Variants in GRIK4 observed in about 807,000 individuals in gnomAD.
GRIK4 encodes the protein glutamate ionotropic receptor kainate type subunit 4.
A neutral mutation model predicts 104.9 loss-of-function variants in GRIK4; 40 were observed. The ratio of observed to expected loss-of-function variants is 0.38; its 90% CI spans 0.30 to 0.50. GRIK4 has a LOEUF of 0.50. Among genes scored for constraint, GRIK4 ranks in the 20% least tolerant of loss-of-function variants. The pLI, the probability that GRIK4 is intolerant of heterozygous loss-of-function variation, is 0.93. For synonymous variants in GRIK4, 485 were observed against 524.9 expected (o/e 0.92, Z 1.04); for missense variants, 1,047 against 1,308.1 (o/e 0.80, Z 3.08).
chr11:120,925,994 AAAAAAG>A (rs1565443119), intron 13 of GRIK4, among the ~76,000 whole-genome samples: 1 of 152,014 alleles, frequency 6.6e-6, no homozygotes, highest in Non-Finnish European at 1.5e-5. Context: ...AAAGAAAGAA[AAAAAAG>A]AAAAAGAAAG....
intron 11 of GRIK4, among the ~76,000 whole-genome samples, chr11:120,893,038 T>C (rs1301920493): frequency 6.6e-6 from 1 of 152,218 alleles, no homozygotes; most frequent in Non-Finnish European, 1.5e-5. Flanking sequence ...GCCCTCCACA[T>C]TTCAGTAACC....
At chr11:120,846,326 G>T (rs559515393) in intron 8 of GRIK4, among the ~76,000 whole-genome samples, 1 of 152,318 alleles carries the variant, frequency 6.6e-6, no homozygotes, top group South Asian at 2.1e-4. Flanking sequence ...GCTGTGTGGT[G>T]GGAGAAACAA....
chr11:120,940,370 C>T lies in GRIK4; in HGVS notation c.1500C>T (p.Gly500=), dbSNP rs779776508. The change falls in exon 14 of 21, where the codon GGC becomes GGT. Residue 500 remains glycine, a synonymous_variant. Coordinates refer to ENST00000527524, the MANE Select transcript of GRIK4 (RefSeq NM_014619.5). This position sits in a 1 kb window ranked among gnomAD's most constrained non-coding sequence, Gnocchi z 4.3. ...IARKADLAVA[G]LTITAEREKV... ...AGAAAGCAGATCTGGCTGTGGCAGGCCTCACCATTACAGCTGAACGGGAGA... is the reference window on the plus strand; with the variant it reads ...AGAAAGCAGATCTGGCTGTGGCAGGTCTCACCATTACAGCTGAACGGGAGA... 1 of 1,612,292 alleles carries T rather than the reference C, an allele frequency of 6.2e-7. No homozygotes were observed. Among genetic ancestry groups the T allele is most frequent in the South Asian group, 1.1e-5 (1 of 91,002 alleles).
chr11:120,755,230 A>G (rs1260273064), intron 3 of GRIK4, among the ~76,000 whole-genome samples: 1 of 152,170 alleles, frequency 6.6e-6, no homozygotes, highest in African/African-American at 2.4e-5. Flanking sequence ...GGTGAGGAGA[A>G]CACAATTGCA....
At chr11:120,881,822 GC>G (rs1209972932) in intron 11 of GRIK4, among the ~76,000 whole-genome samples, 2 of 152,200 alleles carry the variant, frequency 1.3e-5, no homozygotes, top group Non-Finnish European at 2.9e-5. Context: ...AGTGGAACTT[GC>G]TTTGCTGCAC....
chr11:120,644,943 ATGAGAGCTT>A (rs1949521960), intron 1 of GRIK4, among the ~76,000 whole-genome samples: 1 of 152,220 alleles, frequency 6.6e-6, no homozygotes, highest in South Asian at 2.1e-4. Context: ...TGGTGGAGAT[ATGAGAGCTT>A]TGGGCCTTAC....
At chr11:120,835,733 A>C (rs775249433) in intron 7 of GRIK4, among the ~76,000 whole-genome samples, 4 of 152,172 alleles carry the variant, frequency 2.6e-5, no homozygotes, top group Non-Finnish European at 5.9e-5. Flanking sequence ...AGGAGGGATG[A>C]GGGTCCCCAG....
At chr11:120,805,347 A>G (rs979276494) in intron 4 of GRIK4, among the ~76,000 whole-genome samples, 1 of 152,212 alleles carries the variant, frequency 6.6e-6, no homozygotes, top group African/African-American at 2.4e-5. Context: ...TGAGGGAGCC[A>G]AGATTTGCCC....
intron 1 of GRIK4, among the ~76,000 whole-genome samples, chr11:120,576,837 G>A (rs1948491943): frequency 6.6e-6 from 1 of 152,188 alleles, no homozygotes; most frequent in African/African-American, 2.4e-5. Flanking sequence ...CTGGGCCCGG[G>A]ACATGGCCGG....
At chr11:120,855,893 A>G (rs1954093983) in intron 8 of GRIK4, among the ~76,000 whole-genome samples, 1 of 152,192 alleles carries the variant, frequency 6.6e-6, no homozygotes, top group South Asian at 2.1e-4. Context: ...AACTTTTCCC[A>G]TTTGACAAGT....
chr11:120,552,292 G>A (rs535967267), intron 1 of GRIK4, among the ~76,000 whole-genome samples: 2 of 152,308 alleles, frequency 1.3e-5, no homozygotes, highest in East Asian at 3.9e-4. Flanking sequence ...CTGATTGCTT[G>A]ATGGTGGGGA....
intron 7 of GRIK4, 95 bp downstream of exon 7, chr11:120,832,125 C>G: frequency 1.3e-6 from 1 of 774,070 alleles, no homozygotes; most frequent in Non-Finnish European, 2.1e-6. Context: ...GACGGAGCCC[C>G]GGGCTGGACC....
At chr11:120,896,628 A>G (rs1425950518) in intron 11 of GRIK4, among the ~76,000 whole-genome samples, 4 of 152,076 alleles carry the variant, frequency 2.6e-5, no homozygotes, top group African/African-American at 9.7e-5. Context: ...TGCCATCCAC[A>G]CTCTCCACCT....
chr11:120,742,797 A>G (rs1019479973), intron 3 of GRIK4, among the ~76,000 whole-genome samples: 3 of 152,336 alleles, frequency 2.0e-5, no homozygotes, highest in South Asian at 4.1e-4. Context: ...TCATTCTACC[A>G]TAAAGACACA....
At position 120,904,085 on chromosome 11, in the gene GRIK4, CTCT is replaced by C. The variant is rs371898679; in HGVS notation, c.1273-1196_1273-1194del. On this transcript the variant is annotated intron_variant, in intron 12 of 20. Transcript: ENST00000527524. ...TCTAAGACCAGGTTCTCCCCAGGGC[CTCT>C]TCTTCTTCCTCTTCTGCCCTTTCTC... Among the ~76,000 whole-genome samples the C allele has an allele frequency of 1.7e-3, 257 of 152,252 alleles. 3 individuals are homozygous for C. The highest frequency in any genetic ancestry group is 0.011 in the Admixed American group (163 of 15,302).
In GRIK4 at chr11:120,785,727, G is replaced by A. The variant is rs182778026; in HGVS notation, c.83-16966G>A. Among the ~76,000 whole-genome samples the A allele has an allele frequency of 3.5e-3, 539 of 152,292 alleles. 2 individuals carry two copies. The highest frequency in any genetic ancestry group is 7.5e-3 in the Admixed American group (115 of 15,300). On this transcript the variant is annotated intron_variant, in intron 3 of 20. Transcript: ENST00000527524. ...CAGCTCCTGCACTTGGGGTGTTTCCGGTTTACACAGCAGTCCCGTGACACA... is the reference window on the plus strand; with the variant it reads ...CAGCTCCTGCACTTGGGGTGTTTCCAGTTTACACAGCAGTCCCGTGACACA...
intron 3 of GRIK4, among the ~76,000 whole-genome samples, chr11:120,783,998 C>G (rs1256193948): frequency 2.6e-5 from 4 of 152,096 alleles, no homozygotes; most frequent in Non-Finnish European, 5.9e-5. Flanking sequence ...GCTGAGGGGA[C>G]AGGGAGCGAG....
At position 120,986,289 on chromosome 11, in the gene GRIK4, C is replaced by G. The variant is rs1012260466; in HGVS notation, c.*29C>G. The G allele has an allele frequency of 9.3e-6, 7 of 749,358 alleles. No homozygotes were observed. Among genetic ancestry groups the G allele is most frequent in the Admixed American group, 6.3e-5 (2 of 31,832 alleles). 46.4% of individuals were successfully genotyped at this position (749,358 alleles called of 1,614,324 possible). A position where few individuals can be genotyped will look rare whatever the true frequency, so the allele number is the denominator to read the frequency against. ...CGGAGGCCACAGGACGCGCAGAGGC[C>G]GGGCGGGGCGGGAGGGGAGGGGCGG... On this transcript the variant is annotated 3_prime_UTR_variant, in exon 21 of 21. Coordinates refer to ENST00000527524, the MANE Select transcript of GRIK4 (RefSeq NM_014619.5).
rs1164956482 is a variant in GRIK4, at chr11:120,838,517, G to A, written c.744+1673G>A. Among the ~76,000 whole-genome samples the A allele has an allele frequency of 2.0e-5, 3 of 152,046 alleles. No homozygotes were observed. The East Asian group carries it at 5.8e-4, about 29-fold the overall frequency. ...ACAGGACTCATGGAATTAACAGTTTGTAAGTTTGCAAGAGGAAATCATGAT... is the reference window on the plus strand; with the variant it reads ...ACAGGACTCATGGAATTAACAGTTTATAAGTTTGCAAGAGGAAATCATGAT... On this transcript the variant is annotated intron_variant, in intron 8 of 20. Coordinates refer to ENST00000527524, the MANE Select transcript of GRIK4 (RefSeq NM_014619.5).
Sources: allele counts gnomAD v4.1 joint callset (sites outside exome capture counted in the v4.1 genomes callset), GRCh38; gene constraint gnomAD v4.1.1; non-coding constraint Gnocchi (gnomAD v3.1); transcripts MANE v1.5; gene names NCBI Gene and HGNC (gene_info 2026-07-23, HGNC 2026-07-21).